The following WDPCP variants were observed in gnomAD, a reference collection of about 807,000 sequenced individuals.
WDPCP encodes WD repeat-containing and planar cell polarity effector protein fritz homolog.
Under a neutral mutation model 93.1 loss-of-function variants are expected in WDPCP, and 71 were observed. The observed-to-expected ratio is 0.76, with a 90% confidence interval of 0.63 to 0.93. The LOEUF is 0.93. Ranked by LOEUF, WDPCP falls within the 40% of genes least tolerant of loss-of-function variation. The pLI is 0.00. For missense variants in WDPCP, 844 were observed against 887.4 expected (o/e 0.95, Z 0.62); for synonymous variants, 315 against 315.0 (o/e 1.00, Z 0.00).
intron 9 of WDPCP, among the ~76,000 whole-genome samples, chr2:63,428,858 A>G (rs1696514566): frequency 6.6e-6 from 1 of 152,198 alleles, no homozygotes; most frequent in Admixed American, 6.5e-5. Flanking sequence ...TCTCTGCAAT[A>G]AGAACTACGA....
intron 15 of WDPCP, among the ~76,000 whole-genome samples, chr2:63,156,955 A>G (rs1241254848): frequency 6.6e-6 from 1 of 152,008 alleles, no homozygotes; most frequent in Non-Finnish European, 1.5e-5. Flanking sequence ...TTCTCTATCA[A>G]GTAGGATAAT....
rs563769496 is a variant in WDPCP at position 63,651,267 on chromosome 2, G to A, written n.309-429C>T. Among the ~76,000 whole-genome samples, 127 of 152,106 alleles carry A rather than the reference G, an allele frequency of 8.3e-4. 1 individual carries two copies. Among genetic ancestry groups the A allele is most frequent in the Admixed American group, 2.5e-3 (38 of 15,274 alleles). ...TTAGTCTGTCCTTTAACAAGTATGG[G>A]TATATTATAAATACATACCAAAAAT... On this transcript the variant is annotated intron_variant and non_coding_transcript_variant, in intron 2 of 4. Transcript: ENST00000467687.
chr2:63,261,231 A>C (rs553142007), intron 13 of WDPCP, among the ~76,000 whole-genome samples: 6 of 150,764 alleles, frequency 4.0e-5, no homozygotes, highest in African/African-American at 1.5e-4. Flanking sequence ...AATTTTCAGC[A>C]ATATATTTTC....
At chr2:63,677,575 A>T (rs1253362489) in intron 2 of WDPCP, among the ~76,000 whole-genome samples, 1 of 152,194 alleles carries the variant, frequency 6.6e-6, no homozygotes, top group African/African-American at 2.4e-5. Flanking sequence ...CAGAATAAAA[A>T]CTATAAAGAA....
At chr2:63,411,328 C>T (rs867111996) in intron 9 of WDPCP, among the ~76,000 whole-genome samples, 4 of 151,972 alleles carry the variant, frequency 2.6e-5, no homozygotes, top group South Asian at 2.1e-4. Flanking sequence ...AAAAATTCTT[C>T]GAACTGAACA....
At chr2:63,735,317 A>C (rs935195891) in intron 2 of WDPCP, among the ~76,000 whole-genome samples, 1 of 152,210 alleles carries the variant, frequency 6.6e-6, no homozygotes, top group Non-Finnish European at 1.5e-5. Context: ...CCGTGGCCTT[A>C]AACTGTAAGG....
chr2:63,631,594 C>A (rs1323585100), intron 3 of WDPCP, among the ~76,000 whole-genome samples: 2 of 151,790 alleles, frequency 1.3e-5, no homozygotes, highest in African/African-American at 4.9e-5. Flanking sequence ...ATAAAAATAG[C>A]CCTGAGAGGG....
rs373820794 is a variant in WDPCP at position 63,546,085 on chromosome 2, T to C, written c.75+42112A>G. Among the ~76,000 whole-genome samples the C allele has an allele frequency of 2.3e-4, 35 of 152,196 alleles. 1 individual carries two copies. The South Asian group carries it at 7.3e-3, about 32-fold the overall frequency. ...CCAAGGAACTATACCTACAAAAATA[T>C]TGTGGGATACTATATTCACTGAAGC... On this transcript the variant is annotated intron_variant, in intron 1 of 17. Coordinates refer to ENST00000272321, the MANE Select transcript of WDPCP (RefSeq NM_015910.7).
intron 6 of WDPCP, among the ~76,000 whole-genome samples, chr2:63,458,660 T>C (rs984010907): frequency 6.6e-6 from 1 of 152,068 alleles, no homozygotes; most frequent in African/African-American, 2.4e-5. Flanking sequence ...AAAATGACCA[T>C]ACTATCCAAA....
At chr2:63,704,115 G>A (rs1412119015) in intron 2 of WDPCP, among the ~76,000 whole-genome samples, 2 of 152,190 alleles carry the variant, frequency 1.3e-5, no homozygotes, top group Non-Finnish European at 2.9e-5. Flanking sequence ...TGTTATTGGT[G>A]TATAAGAATG....
intron 2 of WDPCP, among the ~76,000 whole-genome samples, chr2:63,802,472 C>CATG (rs1670711390): frequency 1.3e-5 from 2 of 152,208 alleles, no homozygotes; most frequent in South Asian, 4.2e-4. Context: ...ATTTCAGTCT[C>CATG]ATGATAAGGT....
chr2:63,547,725 CAT>C (rs1705257857), intron 1 of WDPCP, among the ~76,000 whole-genome samples: 2 of 145,406 alleles, frequency 1.4e-5, no homozygotes, highest in Admixed American at 1.4e-4. Context: ...TGTTCTCACT[CAT>C]ATGTGGAAGG....
Position 63,433,807 on chromosome 2 carries a change from T to TG in WDPCP, c.762dup (p.Ile255HisfsTer4). ...TTGGCTCTGTCCTTCTCAGAAGAAA[T>TG]GGGGGCCCAAGGCCAAGCATCATCG... On this transcript the variant is annotated frameshift_variant, in exon 9 of 18. Coordinates refer to ENST00000272321, the MANE Select transcript of WDPCP (RefSeq NM_015910.7). LOFTEE classifies it high-confidence loss of function. 6.2e-7 allele frequency: 1 copy of TG among 1,612,280 alleles called. No homozygotes were observed. The highest frequency in any genetic ancestry group is 8.5e-7 in the Non-Finnish European group (1 of 1,178,452).
chr2:63,316,943 C>A (rs990364346), intron 12 of WDPCP, among the ~76,000 whole-genome samples: 3 of 152,020 alleles, frequency 2.0e-5, no homozygotes, highest in Non-Finnish European at 4.4e-5. Context: ...ATTCCATTCA[C>A]AATAGCCACA....
Position 63,329,018 on chromosome 2 carries a change from G to A in WDPCP, c.1749-15707C>T, listed in dbSNP as rs1306597521. 2.0e-5 allele frequency among the ~76,000 whole-genome samples: 3 copies of A among 152,142 alleles called. No homozygotes were observed. In the East Asian group the frequency reaches 5.8e-4, roughly 29 times the overall value. On this transcript the variant is annotated intron_variant, in intron 12 of 17. Coordinates refer to ENST00000272321, the MANE Select transcript of WDPCP (RefSeq NM_015910.7). Reference sequence around the variant, plus strand: ...CTACAGGCGTGAGCCACCATGCCTGGCCCTCTTAATTTGTTTACTTTCATG... The same window carrying A: ...CTACAGGCGTGAGCCACCATGCCTGACCCTCTTAATTTGTTTACTTTCATG...
intron 2 of WDPCP, among the ~76,000 whole-genome samples, chr2:63,653,146 A>C (rs956735496): frequency 1.3e-5 from 2 of 152,240 alleles, no homozygotes; most frequent in African/African-American, 4.8e-5. Context: ...CAGAGATCAT[A>C]AATAGTGGAC....
At chr2:63,178,998 A>G (rs1407016230) in intron 14 of WDPCP, among the ~76,000 whole-genome samples, 1 of 152,040 alleles carries the variant, frequency 6.6e-6, no homozygotes, top group East Asian at 1.9e-4. Flanking sequence ...ATAAAGAAAT[A>G]CCATACAACC....
intron 14 of WDPCP, among the ~76,000 whole-genome samples, chr2:63,240,514 G>A (rs184399465): frequency 6.6e-6 from 1 of 152,112 alleles, no homozygotes; most frequent in Admixed American, 6.5e-5. Context: ...CCATATAACT[G>A]CATAAATCTA....
intron 6 of WDPCP, among the ~76,000 whole-genome samples, chr2:63,474,423 T>C (rs1216185148): frequency 1.3e-5 from 2 of 152,154 alleles, no homozygotes; most frequent in African/African-American, 4.8e-5. Context: ...TGAATGTTTC[T>C]CTAGTATACA....
Sources: allele counts gnomAD v4.1 joint callset (sites outside exome capture counted in the v4.1 genomes callset), GRCh38; gene constraint gnomAD v4.1.1; transcripts MANE v1.5; gene names NCBI Gene and HGNC (gene_info 2026-07-23, HGNC 2026-07-21).